CLDN14: variants seen among roughly 807,000 people sequenced by gnomAD.
The protein encoded by CLDN14 is claudin 14.
Under a neutral mutation model 2.1 loss-of-function variants are expected in CLDN14, and 2 were observed. The observed-to-expected ratio is 0.96, with a 90% CI of 0.39 to 3.01. The LOEUF (loss-of-function observed/expected upper bound fraction) is 3.01, where lower values mean the gene tolerates loss of function less well. CLDN14 is among the 30% of genes most tolerant of loss of function. The pLI, the probability that CLDN14 is intolerant of heterozygous loss-of-function variation, is 0.09. For missense variants in CLDN14, 298 were observed against 328.0 expected, an observed-to-expected ratio of 0.91 and a Z score of 0.71; for synonymous variants, 136 against 154.4, an observed-to-expected ratio of 0.88 and a Z score of 0.88.
chr21:36,501,537 A>G (rs1032799157), intron 2 of CLDN14, among the ~76,000 whole-genome samples: 5 of 151,700 alleles, frequency 3.3e-5, no homozygotes, highest in African/African-American at 1.2e-4. Flanking sequence ...AGACTATGAA[A>G]CTGAACTAGA....
At chr21:36,474,286 C>T (rs1017149918) in intron 1 of CLDN14, among the ~76,000 whole-genome samples, 2 of 152,176 alleles carry the variant, frequency 1.3e-5, no homozygotes, top group African/African-American at 4.8e-5. Flanking sequence ...AGTGCCTGTG[C>T]CTTAATCAGC....
At position 36,480,076 on chromosome 21, in the gene CLDN14, A is replaced by C. The variant is rs2086829025; in HGVS notation, c.-663T>G. 6.6e-6 allele frequency: 1 copy of C among 152,488 alleles called. No homozygotes were observed. The highest frequency in any genetic ancestry group is 1.9e-4 in the East Asian group (1 of 5,204). The allele number at this position is 152,488 out of a possible 1,614,324, so 9.4% of individuals were successfully genotyped here. On this transcript the variant is annotated 5_prime_UTR_variant, in exon 1 of 2. Transcript: ENST00000399135. ...CCCACAGCGACTGTGTCCTCCTCTG[A>C]GCCACCACCTGGCGGTTGTCCTCAC... is the stretch of plus-strand genomic sequence containing the variant.
chr21:36,523,781 G>GAGAGAGAGAGAGAGAGAGAAAGAAAGAA (rs1568868851), intron 1 of CLDN14, among the ~76,000 whole-genome samples: 42 of 38,352 alleles, frequency 1.1e-3, no homozygotes, highest in African/African-American at 1.3e-3. Flanking sequence ...GAGAGAAAGA[G>GAGAGAGAGAGAGAGAGAGAAAGAAAGAA]AGAAAGAAAG....
At chr21:36,517,098 C>T (rs548784174) in intron 1 of CLDN14, among the ~76,000 whole-genome samples, 104 of 151,754 alleles carry the variant, frequency 6.9e-4, no homozygotes, top group African/African-American at 2.4e-3. Context: ...CCTCAGCCTC[C>T]CAAAGTTCTG....
chr21:36,569,291 C>A (rs1326625036), intron 1 of CLDN14, among the ~76,000 whole-genome samples: 3 of 152,192 alleles, frequency 2.0e-5, no homozygotes, highest in Admixed American at 6.5e-5. Context: ...TGGTGCATGT[C>A]TGTAGTTCCA....
chr21:36,474,693 A>G (rs1233734701), intron 1 of CLDN14, among the ~76,000 whole-genome samples: 1 of 152,114 alleles, frequency 6.6e-6, no homozygotes, highest in Non-Finnish European at 1.5e-5. Context: ...TAGGCAAGAG[A>G]GGACCCTTGT....
At chr21:36,531,706 T>C (rs1431299169) in intron 1 of CLDN14, among the ~76,000 whole-genome samples, 1 of 151,778 alleles carries the variant, frequency 6.6e-6, no homozygotes, top group Non-Finnish European at 1.5e-5. Flanking sequence ...TTTTTTTTTT[T>C]TTAACTAAGG....
At position 36,573,627 on chromosome 21, in the gene CLDN14, ACTAT is replaced by A. The variant is rs527251329; in HGVS notation, c.-220+2780_-220+2783del. Among the ~76,000 whole-genome samples, 3 of 152,320 alleles carry A rather than the reference ACTAT, an allele frequency of 2.0e-5. No individual in the cohort carries two copies. The South Asian group carries it at 6.2e-4, about 32-fold the overall frequency. On this transcript the variant is annotated intron_variant, in intron 1 of 2. Coordinates refer to the CLDN14 transcript ENST00000342108. ...AACACTTCAGTTTCTTAATTTATTTACTATCTAATTAGTCTTAAATTATTTATTT... is the reference window on the plus strand; with the variant it reads ...AACACTTCAGTTTCTTAATTTATTTACTAATTAGTCTTAAATTATTTATTT...
At chr21:36,571,680 C>T (rs750162422) in intron 1 of CLDN14, among the ~76,000 whole-genome samples, 8 of 152,102 alleles carry the variant, frequency 5.3e-5, no homozygotes, top group Non-Finnish European at 8.8e-5. Context: ...GCTCTTGGAA[C>T]GTAGCGCCTT....
At chr21:36,549,829 G>C (rs180782081) in intron 1 of CLDN14, among the ~76,000 whole-genome samples, 4 of 152,174 alleles carry the variant, frequency 2.6e-5, no homozygotes, top group Non-Finnish European at 5.9e-5. Flanking sequence ...ATTCCTACTC[G>C]CAATCGTCCC....
chr21:36,529,898 T>C (rs886881927), intron 1 of CLDN14, among the ~76,000 whole-genome samples: 3 of 152,220 alleles, frequency 2.0e-5, no homozygotes, highest in African/African-American at 7.2e-5. Flanking sequence ...TTTTATATTA[T>C]GCTAATATCG....
At chr21:36,562,061 G>A (rs186153090) in intron 1 of CLDN14, among the ~76,000 whole-genome samples, 1 of 152,146 alleles carries the variant, frequency 6.6e-6, no homozygotes, top group African/African-American at 2.4e-5. Flanking sequence ...AAGATCCTTG[G>A]TGCATGAAAA....
At chr21:36,516,313 G>A (rs991136915) in intron 1 of CLDN14, among the ~76,000 whole-genome samples, 1 of 152,192 alleles carries the variant, frequency 6.6e-6, no homozygotes, top group African/African-American at 2.4e-5. Flanking sequence ...TAAACAGCTT[G>A]AGACATGCTG....
intron 1 of CLDN14, among the ~76,000 whole-genome samples, chr21:36,571,274 C>G (rs1055290002): frequency 2.6e-5 from 4 of 152,226 alleles, no homozygotes; most frequent in African/African-American, 9.6e-5. Context: ...CACAGAAATG[C>G]ATAGGACATT....
At chr21:36,546,298 C>A (rs2087525314) in intron 1 of CLDN14, among the ~76,000 whole-genome samples, 1 of 152,068 alleles carries the variant, frequency 6.6e-6, no homozygotes, top group Non-Finnish European at 1.5e-5. Flanking sequence ...CAGGAACACG[C>A]TGGAAAGCTG....
intron 1 of CLDN14, among the ~76,000 whole-genome samples, chr21:36,572,552 T>A (rs2087717076): frequency 6.6e-6 from 1 of 152,234 alleles, no homozygotes; most frequent in Admixed American, 6.5e-5. Context: ...ACCCATTACA[T>A]GGTAATAAAT....
intron 1 of CLDN14, among the ~76,000 whole-genome samples, chr21:36,512,460 T>C (rs1202734446): frequency 6.6e-6 from 1 of 152,166 alleles, no homozygotes; most frequent in Non-Finnish European, 1.5e-5. Flanking sequence ...TATGGCATGC[T>C]CTCAGGATGT....
intron 1 of CLDN14, among the ~76,000 whole-genome samples, chr21:36,560,260 G>A (rs971106323): frequency 1.6e-4 from 24 of 149,498 alleles, no homozygotes; most frequent in African/African-American, 5.7e-4. Context: ...CGCTCTTGTC[G>A]CTATGAATAT....
intron 1 of CLDN14, among the ~76,000 whole-genome samples, chr21:36,538,784 C>T (rs956913694): frequency 5.9e-5 from 9 of 152,216 alleles, no homozygotes; most frequent in East Asian, 1.9e-4. Context: ...TTGGAGTGGC[C>T]GATTGCTGCA....
Sources: allele counts gnomAD v4.1 joint callset (sites outside exome capture counted in the v4.1 genomes callset), GRCh38; gene constraint gnomAD v4.1.1; transcripts MANE v1.5; gene names NCBI Gene and HGNC (gene_info 2026-07-23, HGNC 2026-07-21).